KLHL2: variants seen among roughly 807,000 people sequenced by gnomAD.
KLHL2 encodes kelch like family member 2, also known as kelch-like protein 2.
In KLHL2, 15 loss-of-function variants were observed where a neutral mutation model predicts 75.8. The observed-to-expected ratio is 0.20, with a 90% confidence interval of 0.13 to 0.30. The LOEUF is 0.30. Among genes scored for constraint, KLHL2 ranks in the 10% least tolerant of loss-of-function variants. The pLI is 1.00. For missense variants in KLHL2, 381 were observed against 741.0 expected (o/e 0.51, Z 5.64); for synonymous variants, 214 against 251.9 (o/e 0.85, Z 1.42).
Position 165,313,346 on chromosome 4 carries a change from G to C in KLHL2, c.1448G>C (p.Ser483Thr), listed in dbSNP as rs571236935. The C allele has an allele frequency of 2.0e-6, 3 of 1,535,024 alleles. No homozygotes were observed. The South Asian group carries it at 3.7e-5, about 19-fold the overall frequency. ...GAGTGGACCTATATAGCAGAAATGA[G>C]CACCAGGCGGAGTGGAGCAGGTACA... ...TNEWTYIAEM[S>T]TRRSGAGVGV... The change falls in exon 12 of 15, where the codon AGC (serine) becomes ACC (threonine). Residue 483 changes from serine (S) to threonine (T), a missense_variant. Around this residue, in one of 5 missense-constraint regions of KLHL2, gnomAD observed 168 missense variants for 370.4 expected, o/e 0.45. Coordinates refer to ENST00000226725, the MANE Select transcript of KLHL2 (RefSeq NM_007246.4).
intron 5 of KLHL2, among the ~76,000 whole-genome samples, chr4:165,281,817 G>A (rs934236654): frequency 6.6e-6 from 1 of 152,144 alleles, no homozygotes; most frequent in African/African-American, 2.4e-5. Flanking sequence ...TATATTATGT[G>A]TGTGTAGTTT....
chr4:165,303,811 G>A (rs76510946), intron 8 of KLHL2, among the ~76,000 whole-genome samples: 9,272 of 152,112 alleles, frequency 0.061, 544 homozygotes, highest in African/African-American at 0.15. Flanking sequence ...CGATCCAACC[G>A]CACTGGCCTC....
chr4:165,317,998 G>A lies in KLHL2; in HGVS notation c.1753+29G>A, dbSNP rs180703170. 5.4e-4 allele frequency: 873 copies of A among 1,601,910 alleles called. 2 individuals are homozygous for A. The highest frequency in any genetic ancestry group is 1.9e-3 in the Admixed American group (108 of 57,008). On this transcript the variant is annotated intron_variant, in intron 14 of 14. Coordinates refer to ENST00000226725, the MANE Select transcript of KLHL2 (RefSeq NM_007246.4). ...ACAGTTGTCTCTAAAGTCAATTTCC[G>A]TACAAAAAGATGACCTCATTATGAA...
At position 165,282,614 on chromosome 4, in the gene KLHL2, T is replaced by G. The variant is rs1335213676; in HGVS notation, c.545-11745T>G. Among the ~76,000 whole-genome samples, 4 of 152,038 alleles carry G rather than the reference T, an allele frequency of 2.6e-5. No individual in the cohort carries two copies. The East Asian group carries it at 7.7e-4, about 29-fold the overall frequency. ...ATGATGAAGACCCCAAATCATGTTG[T>G]GCAAGCAGTGGTTGAAGGACATAGG... On this transcript the variant is annotated intron_variant, in intron 5 of 14. Transcript: ENST00000226725.
chr4:165,313,933 G>C (rs541470534), intron 12 of KLHL2, 93 bp from the exon 13 acceptor site: 7 of 1,294,108 alleles, frequency 5.4e-6, no homozygotes, highest in Non-Finnish European at 7.3e-6. Context: ...TTATAACTTC[G>C]AAAGTTTTAG....
At chr4:165,301,459 G>GT (rs1190183155) in intron 8 of KLHL2, among the ~76,000 whole-genome samples, 1 of 152,216 alleles carries the variant, frequency 6.6e-6, no homozygotes, top group African/African-American at 2.4e-5. Flanking sequence ...AAGTGGCTCA[G>GT]TAAGTACATT....
chr4:165,294,667 C>T (rs1465607194), intron 6 of KLHL2, among the ~76,000 whole-genome samples, 199 bp downstream of exon 6: 1 of 152,100 alleles, frequency 6.6e-6, no homozygotes, highest in Non-Finnish European at 1.5e-5. Flanking sequence ...TGTTGATTGT[C>T]TATGTAAATT....
rs745601583 is a variant in KLHL2 at position 165,319,603 on chromosome 4, A to G, written c.1753+1634A>G. ...AATCCCTTTTTATCTTGTGTTGAAC[A>G]TGCAGCTTTTATGTGGGTGCAGGAT... On this transcript the variant is annotated intron_variant, in intron 14 of 14. Transcript: ENST00000226725. This position sits in a 1 kb window ranked among gnomAD's most constrained non-coding sequence, Gnocchi z 4.5. Among the ~76,000 whole-genome samples, 2 of 152,100 alleles carry G rather than the reference A, an allele frequency of 1.3e-5. No individual in the cohort carries two copies. The highest frequency in any genetic ancestry group is 2.9e-5 in the Non-Finnish European group (2 of 68,018).
intron 1 of KLHL2, among the ~76,000 whole-genome samples, chr4:165,211,245 AAAC>A (rs1737180413): frequency 6.6e-6 from 1 of 152,256 alleles, no homozygotes; most frequent in Non-Finnish European, 1.5e-5. Flanking sequence ...ATTATTTATG[AAAC>A]AACAATGATC....
At chr4:165,306,271 TC>T (rs1483251992) in intron 9 of KLHL2, among the ~76,000 whole-genome samples, 1 of 152,260 alleles carries the variant, frequency 6.6e-6, no homozygotes, top group Non-Finnish European at 1.5e-5. Context: ...ATGGAACGTT[TC>T]TATGATGGTA....
chr4:165,238,752 A>T lies in KLHL2; in HGVS notation c.260-26A>T, dbSNP rs1399406727. On this transcript the variant is annotated intron_variant, in intron 3 of 14. Transcript: ENST00000226725. The stretch of plus-strand genomic sequence containing the variant: ...TTCCACAGCAGTGTCTTGCTGTAAC[A>T]TCACTCTTATTCCTTTGTGTTTTAG... 1.2e-5 allele frequency: 19 copies of T among 1,612,316 alleles called. No individual in the cohort carries two copies. The South Asian group carries it at 1.9e-4, about 16-fold the overall frequency.
chr4:165,267,856 A>C (rs559623135), intron 5 of KLHL2, among the ~76,000 whole-genome samples: 105 of 152,174 alleles, frequency 6.9e-4, no homozygotes, highest in South Asian at 1.2e-3. Context: ...CCCTCTTTTT[A>C]TATTGATTGG....
chr4:165,257,294 G>GT (rs1253821573), intron 4 of KLHL2, among the ~76,000 whole-genome samples: 2 of 152,244 alleles, frequency 1.3e-5, no homozygotes, highest in Admixed American at 6.5e-5. Context: ...ATAGCTACAT[G>GT]TGACGGGACC....
chr4:165,320,687 A>G (rs1746907772), intron 14 of KLHL2, among the ~76,000 whole-genome samples: 1 of 152,242 alleles, frequency 6.6e-6, no homozygotes, highest in African/African-American at 2.4e-5. Context: ...ATTGTTATAG[A>G]AAAAGCTATG....
At chr4:165,226,246 G>C (rs199666902) in intron 2 of KLHL2, among the ~76,000 whole-genome samples, 2,216 of 127,282 alleles carry the variant, frequency 0.017, no homozygotes, top group East Asian at 0.023. Context: ...CTGCTTACCT[G>C]CCTCCAGAGT....
At chr4:165,224,757 A>G (rs1212010654) in intron 2 of KLHL2, among the ~76,000 whole-genome samples, 1 of 152,218 alleles carries the variant, frequency 6.6e-6, no homozygotes, top group Non-Finnish European at 1.5e-5. Context: ...GGTATACCTG[A>G]GATATTTTGA....
intron 4 of KLHL2, among the ~76,000 whole-genome samples, chr4:165,257,440 G>C (rs1051864268): frequency 2.0e-5 from 3 of 152,214 alleles, no homozygotes; most frequent in Admixed American, 6.5e-5. Context: ...CTTCCAGACT[G>C]TGTGGGTATG....
chr4:165,311,136 A>G (rs190242728), intron 10 of KLHL2, among the ~76,000 whole-genome samples: 32 of 152,170 alleles, frequency 2.1e-4, no homozygotes, highest in African/African-American at 7.5e-4. Context: ...GGATTACAAC[A>G]TGTGAGGTTT....
chr4:165,240,268 T>A (rs1268682919), intron 4 of KLHL2: 1 of 152,212 alleles, frequency 6.6e-6, no homozygotes, highest in African/African-American at 2.4e-5. Context: ...CTTGCACAAA[T>A]AGGAAGTTGT....
Sources: gnomAD v4.1 joint callset for allele counts (sites outside exome capture counted in the v4.1 genomes callset) on GRCh38, gnomAD v4.1.1 for gene constraint, gnomAD v4.1.1 regional missense constraint, Gnocchi (gnomAD v3.1) non-coding constraint, MANE v1.5 for transcripts, NCBI Gene and HGNC (gene_info 2026-07-23, HGNC 2026-07-21) for gene names.